The following DLG2 variants were observed in gnomAD, a reference collection of about 807,000 sequenced individuals.
DLG2 encodes the protein discs large MAGUK scaffold protein 2.
DLG2 carries 45 observed loss-of-function variants against 132.5 expected under a neutral mutation model. That is an observed-to-expected ratio of 0.34 (90% CI 0.27 to 0.44). The LOEUF (loss-of-function observed/expected upper bound fraction) is 0.44. Among genes scored for constraint, DLG2 ranks in the 20% least tolerant of loss-of-function variants. DLG2 has a pLI of 1.00. For missense variants in DLG2, 1,045 were observed against 1,196.9 expected, an observed-to-expected ratio of 0.87 and a Z score of 1.87; for synonymous variants, 424 against 419.6, an observed-to-expected ratio of 1.01 and a Z score of -0.13.
chr11:85,500,580 A>AT (rs1597989501), intron 3 of DLG2, among the ~76,000 whole-genome samples: 4 of 150,682 alleles, frequency 2.7e-5, no homozygotes, highest in South Asian at 2.1e-4. Flanking sequence ...AAATAAATAA[A>AT]GTTACAAAAT....
chr11:84,473,941 A>G (rs1217289744), intron 7 of DLG2, among the ~76,000 whole-genome samples: 1 of 152,062 alleles, frequency 6.6e-6, no homozygotes, highest in Non-Finnish European at 1.5e-5. Flanking sequence ...GTTATTCACT[A>G]TTGGTGAGCT....
At chr11:85,548,812 C>A (rs984257810) in intron 3 of DLG2, among the ~76,000 whole-genome samples, 1 of 152,136 alleles carries the variant, frequency 6.6e-6, no homozygotes, top group African/African-American at 2.4e-5. Context: ...ACCTACTCTA[C>A]CCTCAGCAAT....
chr11:84,766,482 T>C (rs538825909), intron 6 of DLG2, among the ~76,000 whole-genome samples: 1 of 152,224 alleles, frequency 6.6e-6, no homozygotes, highest in South Asian at 2.1e-4. Flanking sequence ...GAATGGATGC[T>C]GCTTAGAACA....
chr11:85,316,330 A>G (rs1197802853), intron 3 of DLG2, among the ~76,000 whole-genome samples: 1 of 152,024 alleles, frequency 6.6e-6, no homozygotes, highest in Non-Finnish European at 1.5e-5. Flanking sequence ...TCTATAATCT[A>G]AACACCGATT....
At chr11:85,337,459 C>T (rs972946473) in intron 3 of DLG2, among the ~76,000 whole-genome samples, 4 of 152,104 alleles carry the variant, frequency 2.6e-5, no homozygotes, top group Non-Finnish European at 5.9e-5. Flanking sequence ...AGAATTACCT[C>T]GGGTATTTAT....
intron 18 of DLG2, among the ~76,000 whole-genome samples, chr11:83,714,881 T>C (rs1236611272): frequency 6.6e-6 from 1 of 152,172 alleles, no homozygotes; most frequent in African/African-American, 2.4e-5. Context: ...GAACAAGAAA[T>C]GTCATTTGAC....
At chr11:83,942,035 C>T (rs1219928422) in intron 14 of DLG2, among the ~76,000 whole-genome samples, 1 of 152,110 alleles carries the variant, frequency 6.6e-6, no homozygotes, top group African/African-American at 2.4e-5. Flanking sequence ...GAAATCTGTT[C>T]TACAAAACTG....
intron 7 of DLG2, among the ~76,000 whole-genome samples, chr11:84,497,488 G>A (rs2099187982): frequency 1.3e-5 from 2 of 152,046 alleles, no homozygotes; most frequent in Admixed American, 6.5e-5. Flanking sequence ...TTTTTTCTAA[G>A]AGAGATAGGG....
chr11:84,654,184 T>C (rs1437609869), intron 6 of DLG2, among the ~76,000 whole-genome samples: 2 of 152,200 alleles, frequency 1.3e-5, no homozygotes, highest in Non-Finnish European at 2.9e-5. Flanking sequence ...TGGAACTTCT[T>C]TGTAACCCCC....
intron 6 of DLG2, among the ~76,000 whole-genome samples, chr11:84,666,849 T>C (rs919331355): frequency 6.6e-6 from 1 of 152,046 alleles, no homozygotes; most frequent in East Asian, 1.9e-4. Flanking sequence ...AACACAAAAC[T>C]GGAATCAAAA....
chr11:85,146,004 T>C (rs1433081119), intron 5 of DLG2, among the ~76,000 whole-genome samples: 1 of 152,110 alleles, frequency 6.6e-6, no homozygotes, highest in Non-Finnish European at 1.5e-5. Flanking sequence ...TCAAATGGAA[T>C]TGGGTGTGGT....
At chr11:85,343,797 T>C (rs1375871245) in intron 3 of DLG2, among the ~76,000 whole-genome samples, 1 of 152,166 alleles carries the variant, frequency 6.6e-6, no homozygotes, top group Non-Finnish European at 1.5e-5. Flanking sequence ...GCAATGATAA[T>C]GACAGTGATT....
chr11:84,368,117 A>G (rs575129360), intron 7 of DLG2, among the ~76,000 whole-genome samples: 32 of 152,254 alleles, frequency 2.1e-4, no homozygotes, highest in African/African-American at 7.2e-4. Context: ...GCAGCCAGTG[A>G]CTTTGAAAAC....
chr11:83,605,354 C>T (rs1462759561), intron 19 of DLG2, among the ~76,000 whole-genome samples: 1 of 152,162 alleles, frequency 6.6e-6, no homozygotes, highest in African/African-American at 2.4e-5. Flanking sequence ...TTACGACCCA[C>T]TCGGCAATGG....
In DLG2 at chr11:84,313,271, C is replaced by T. The variant is rs142145466; in HGVS notation, c.520-61980G>A. Reference sequence around the variant, plus strand: ...GCTGGGACTATGGTGTGCACCACTACGCCGGGCTAATTTTTGTATTTTTAG... The same window carrying T: ...GCTGGGACTATGGTGTGCACCACTATGCCGGGCTAATTTTTGTATTTTTAG... On this transcript the variant is annotated intron_variant, in intron 7 of 27. Coordinates refer to ENST00000376104, the MANE Select transcript of DLG2 (RefSeq NM_001142699.3). Among the ~76,000 whole-genome samples, 389 of 151,952 alleles carry T rather than the reference C, an allele frequency of 2.6e-3. 3 individuals carry two copies. Among genetic ancestry groups the T allele is most frequent in the African/African-American group, 9.2e-3 (381 of 41,442 alleles).
Position 84,199,762 on chromosome 11 carries a change from G to GA in DLG2, c.574-36252dup, listed in dbSNP as rs1164316858. Among the ~76,000 whole-genome samples, 15 of 152,102 alleles carry GA rather than the reference G, an allele frequency of 9.9e-5. No individual in the cohort carries two copies. In the South Asian group the frequency reaches 1.0e-3, roughly 11 times the overall value. ...AAATTATTCAGGATAAAATCTGAGAGAAAAAATACTGCAAAATAAACCTAC... is the reference window on the plus strand; with the variant it reads ...AAATTATTCAGGATAAAATCTGAGAGAAAAAAATACTGCAAAATAAACCTAC... On this transcript the variant is annotated intron_variant, in intron 8 of 27. Transcript: ENST00000376104.
At chr11:83,735,268 G>A (rs1042932942) in intron 18 of DLG2, among the ~76,000 whole-genome samples, 3 of 152,094 alleles carry the variant, frequency 2.0e-5, no homozygotes, top group Non-Finnish European at 4.4e-5. Context: ...AATTGTTAAG[G>A]ATTATTGATT....
intron 21 of DLG2, among the ~76,000 whole-genome samples, chr11:83,525,608 C>A (rs2095587581): frequency 6.6e-6 from 1 of 152,120 alleles, no homozygotes; most frequent in African/African-American, 2.4e-5. Flanking sequence ...AGAGTAGCCT[C>A]TTCTGAGTTT....
intron 15 of DLG2, among the ~76,000 whole-genome samples, chr11:83,923,176 A>T (rs2078267588): frequency 6.6e-6 from 1 of 152,152 alleles, no homozygotes; most frequent in Non-Finnish European, 1.5e-5. Flanking sequence ...CTGATTTGTG[A>T]TAGCAACAAA....
Sources: gnomAD v4.1 joint callset for allele counts (sites outside exome capture counted in the v4.1 genomes callset) on GRCh38, gnomAD v4.1.1 for gene constraint, MANE v1.5 for transcripts, NCBI Gene and HGNC (gene_info 2026-07-23, HGNC 2026-07-21) for gene names.